INCENP: variants seen among roughly 807,000 people sequenced by gnomAD.
INCENP encodes the protein binds and activates aurora-B and -C in vivo and in vitro.
In INCENP, 43 loss-of-function variants were observed where a neutral mutation model predicts 107.3. The observed-to-expected ratio is 0.40, with a 90% CI of 0.31 to 0.52. INCENP has a LOEUF of 0.52. Ranked by LOEUF, INCENP falls within the 20% of genes least tolerant of loss-of-function variation. INCENP has a pLI of 0.53. For synonymous variants in INCENP, 488 were observed against 494.4 expected, an observed-to-expected ratio of 0.99 and a Z score of 0.17; for missense variants, 1,089 against 1,250.9, an observed-to-expected ratio of 0.87 and a Z score of 1.95.
chr11:62,134,381 CCAGA>C (rs1470690299), intron 4 of INCENP, among the ~76,000 whole-genome samples: 1 of 113,462 alleles, frequency 8.8e-6, no homozygotes, highest in Non-Finnish European at 1.8e-5. Context: ...CCACTGCACT[CCAGA>C]CAGAGTGAGA....
At position 62,128,818 on chromosome 11, in the gene INCENP, G is replaced by A; in HGVS notation, c.189G>A (p.Lys63=). The part of the protein sequence containing the change: ...PELMPKTPSQ[K]NRRKKRRISY... ...TGATGCCCAAAACACCTTCTCAGAA[G>A]AACCGACGGAAGAAGAGACGGATTT... Residue 63 remains lysine, a synonymous_variant, in exon 3 of 19, where the codon AAG becomes AAA. Coordinates refer to ENST00000394818, the MANE Select transcript of INCENP (RefSeq NM_001040694.2). 1.2e-6 allele frequency: 2 copies of A among 1,614,148 alleles called. No homozygotes were observed. The highest frequency in any genetic ancestry group is 1.7e-6 in the Non-Finnish European group (2 of 1,180,006).
In INCENP at chr11:62,152,239, T is replaced by C; in HGVS notation, c.*263T>C. The C allele has an allele frequency of 1.9e-6, 1 of 518,822 alleles. No homozygotes were observed. Among genetic ancestry groups the C allele is most frequent in the Non-Finnish European group, 3.4e-6 (1 of 293,018 alleles). The allele number at this position is 518,822 out of a possible 1,614,324, so 32.1% of individuals were successfully genotyped here. A position where few individuals can be genotyped will look rare whatever the true frequency, so the allele number is the denominator to read the frequency against. ...TGGCCTGCAGACAGTGCTCTGTAAA[T>C]AGTTGTTTTAATTTAGCTGAATGTT... On this transcript the variant is annotated 3_prime_UTR_variant, in exon 19 of 19. Coordinates refer to ENST00000394818, the MANE Select transcript of INCENP (RefSeq NM_001040694.2).
At position 62,145,743 on chromosome 11, in the gene INCENP, C is replaced by T. The variant is rs1417162246; in HGVS notation, c.1951C>T (p.Leu651=). 2 of 1,553,048 alleles carry T rather than the reference C, an allele frequency of 1.3e-6. No individual in the cohort carries two copies. Among genetic ancestry groups the T allele is most frequent in the East Asian group, 4.8e-5 (2 of 41,278 alleles). ...QEEEARRLRW[L]QQEEEERRHQ... ...AGAGGAGGCACGTAGGCTCAGGTGG[C>T]TGCAGCAGGTGCGAGCACAGGTGGG... The change falls in exon 14 of 19, where the codon CTG becomes TTG. Residue 651 remains leucine (L), a synonymous_variant. Transcript: ENST00000394818.
rs1163806068 is a variant in INCENP, at chr11:62,131,782, CT to C, written c.1063+1205del. ...GTGGCGAGGATAGGCCAGGATTTAT[CT>C]TTTTTTTTTTTTGATACAGAGTCTC... On this transcript the variant is annotated intron_variant, in intron 4 of 18. Transcript: ENST00000394818. Among the ~76,000 whole-genome samples the C allele has an allele frequency of 5.0e-3, 730 of 144,858 alleles. 2 individuals are homozygous for C. The highest frequency in any genetic ancestry group is 0.01 in the African/African-American group (414 of 39,874).
intron 1 of INCENP, among the ~76,000 whole-genome samples, chr11:62,125,825 C>G (rs1182665657): frequency 6.6e-6 from 1 of 152,214 alleles, no homozygotes; most frequent in African/African-American, 2.4e-5. Flanking sequence ...GGGGTTTGCC[C>G]TCAGAGAGCA....
intron 8 of INCENP, 87 bp from the exon 9 acceptor site, chr11:62,140,617 C>G: frequency 1.7e-6 from 2 of 1,151,900 alleles, no homozygotes; most frequent in South Asian, 2.7e-5. Context: ...GGCCTGGGCC[C>G]GGTATTGTTC....
At chr11:62,142,324 G>A (rs894137087) in intron 11 of INCENP, among the ~76,000 whole-genome samples, 3 of 152,260 alleles carry the variant, frequency 2.0e-5, no homozygotes, top group African/African-American at 7.2e-5. Context: ...GCCCTGAGCT[G>A]GCTTCTCCGC....
chr11:62,133,503 T>A (rs570638418), intron 4 of INCENP, among the ~76,000 whole-genome samples: 1 of 152,148 alleles, frequency 6.6e-6, no homozygotes, highest in African/African-American at 2.4e-5. Context: ...GCCTCAGGAC[T>A]CCACCTTGGG....
At chr11:62,129,664 A>G in intron 3 of INCENP, 118 bp from the exon 4 acceptor site, 1 of 824,670 alleles carries the variant, frequency 1.2e-6, no homozygotes, top group Non-Finnish European at 1.9e-6. Flanking sequence ...CCTGGAACCC[A>G]GATCTTTTGC....
At chr11:62,147,675 G>A (rs1630740) in intron 15 of INCENP, among the ~76,000 whole-genome samples, 3,307 of 152,242 alleles carry the variant, frequency 0.022, 126 homozygotes, top group African/African-American at 0.075. Context: ...TTTTTTCCGT[G>A]TCCATCTTCG....
chr11:62,127,312 G>A (rs528188161), intron 1 of INCENP, among the ~76,000 whole-genome samples: 21 of 152,304 alleles, frequency 1.4e-4, no homozygotes, highest in Non-Finnish European at 2.5e-4. Flanking sequence ...GGGATTACGG[G>A]TGTGAACCAC....
chr11:62,148,519 C>T lies in INCENP; in HGVS notation c.2248C>T (p.Gln750Ter). ...GAAGGCCCTGCGGCTGCAGAAGGAG[C>T]AGCTGCAGAGGGAACTGGAGGAGAA... ...REKALRLQKE[Q>*]LQRELEEKKK... Residue 750 changes from glutamine to a stop codon, truncating the protein, a stop_gained, in exon 16 of 19, where the codon CAG becomes TAG. Coordinates refer to ENST00000394818, the MANE Select transcript of INCENP (RefSeq NM_001040694.2). LOFTEE classifies it high-confidence loss of function. The T allele has an allele frequency of 6.2e-7, 1 of 1,608,234 alleles. No homozygotes were observed. Among genetic ancestry groups the T allele is most frequent in the Non-Finnish European group, 8.5e-7 (1 of 1,178,176 alleles).
chr11:62,148,884 AG>A (rs1565103314), intron 17 of INCENP, 38 bp downstream of exon 17: 10 of 1,358,748 alleles, frequency 7.4e-6, no homozygotes, highest in Non-Finnish European at 9.3e-6. Context: ...TCTCAGGTGG[AG>A]GGGCCCACTC....
chr11:62,148,351 A>G lies in INCENP; in HGVS notation c.2205-125A>G, dbSNP rs3890102. ...GCTCTTGGCTCTAAGCTGGTTGCCCATTCAGCAATCCCACTTTCTAAGGTG... is the reference window on the plus strand; with the variant it reads ...GCTCTTGGCTCTAAGCTGGTTGCCCGTTCAGCAATCCCACTTTCTAAGGTG... On this transcript the variant is annotated intron_variant, in intron 15 of 18. Coordinates refer to ENST00000394818, the MANE Select transcript of INCENP (RefSeq NM_001040694.2). 177,341 of 855,242 alleles carry G rather than the reference A, an allele frequency of 0.21. 19,788 individuals are homozygous for G. The highest frequency in any genetic ancestry group is 0.23 in the Non-Finnish European group (129,237 of 552,676). The allele number at this position is 855,242 out of a possible 1,614,324, so 53.0% of individuals were successfully genotyped here.
At chr11:62,129,760 T>C (rs755496748) in intron 3 of INCENP, 22 bp from the exon 4 acceptor site, 1 of 1,588,812 alleles carries the variant, frequency 6.3e-7, no homozygotes, top group Non-Finnish European at 8.5e-7. Flanking sequence ...CGTCTCAGCC[T>C]CTGCCCTGCT....
At chr11:62,126,067 G>A (rs72928167) in intron 1 of INCENP, among the ~76,000 whole-genome samples, 13,967 of 152,258 alleles carry the variant, frequency 0.092, 840 homozygotes, top group Middle Eastern at 0.15. Flanking sequence ...CTGTGTCCTT[G>A]AATCAAGCCT....
At chr11:62,149,189 C>T (rs1944320933) in intron 17 of INCENP, among the ~76,000 whole-genome samples, 1 of 151,972 alleles carries the variant, frequency 6.6e-6, no homozygotes, top group African/African-American at 2.4e-5. Context: ...CTCTCTTTCA[C>T]CCATACACAT....
At chr11:62,124,815 A>AT (rs1178739433) in intron 1 of INCENP, among the ~76,000 whole-genome samples, 4 of 152,174 alleles carry the variant, frequency 2.6e-5, no homozygotes, top group African/African-American at 9.7e-5. Flanking sequence ...TTACCGGCTG[A>AT]TTTTGACTTC....
intron 1 of INCENP, among the ~76,000 whole-genome samples, chr11:62,126,088 C>T (rs1298107514): frequency 6.6e-6 from 1 of 152,322 alleles, no homozygotes; most frequent in Non-Finnish European, 1.5e-5. Context: ...GAGGAAGTCC[C>T]ATGAGACTGA....
Sources: gnomAD v4.1 joint callset for allele counts (sites outside exome capture counted in the v4.1 genomes callset) on GRCh38, gnomAD v4.1.1 for gene constraint, MANE v1.5 for transcripts, NCBI Gene and HGNC (gene_info 2026-07-23, HGNC 2026-07-21) for gene names.